The following RHPN2 variants were observed in gnomAD, a reference collection of about 807,000 sequenced individuals.
The protein encoded by RHPN2 is rhophilin Rho GTPase binding protein 2.
RHPN2 carries 40 observed loss-of-function variants against 79.0 expected under a neutral mutation model. That is an observed-to-expected ratio of 0.51 (90% CI 0.39 to 0.66). RHPN2 has a LOEUF of 0.66. RHPN2 is among the 30% of genes least tolerant of loss of function. The pLI is 0.00. For synonymous variants in RHPN2, 285 were observed against 363.5 expected (o/e 0.78, Z 2.46); for missense variants, 686 against 883.5 (o/e 0.78, Z 2.83).
intron 2 of RHPN2, among the ~76,000 whole-genome samples, chr19:33,033,730 T>C (rs988417924): frequency 1.4e-5 from 2 of 147,100 alleles, no homozygotes; most frequent in African/African-American, 5.0e-5. Flanking sequence ...TAGCCGGGCA[T>C]GGTGGCAGGC....
intron 3 of RHPN2, among the ~76,000 whole-genome samples, chr19:33,022,228 G>A (rs1477835572): frequency 1.3e-5 from 2 of 152,152 alleles, no homozygotes; most frequent in African/African-American, 4.8e-5. Context: ...GATGACGGGC[G>A]TGAGCCTCTG....
At chr19:32,983,950 C>T (rs781075004) in intron 14 of RHPN2, among the ~76,000 whole-genome samples, 7 of 152,130 alleles carry the variant, frequency 4.6e-5, no homozygotes, top group Non-Finnish European at 1.0e-4. Context: ...CTTTCCCCAC[C>T]ACCCATTCCT....
chr19:33,005,369 C>T (rs544035582), intron 7 of RHPN2, among the ~76,000 whole-genome samples: 7 of 143,320 alleles, frequency 4.9e-5, no homozygotes, highest in African/African-American at 1.6e-4. Context: ...GCCGAGATCT[C>T]GCCACTGCAC....
intron 1 of RHPN2, among the ~76,000 whole-genome samples, chr19:33,059,891 T>C (rs1202149987): frequency 6.6e-6 from 1 of 152,168 alleles, no homozygotes; most frequent in Admixed American, 6.6e-5. Context: ...CCCACCTCTC[T>C]ACCCACCTCT....
chr19:33,019,178 C>T (rs1261506586), intron 4 of RHPN2, among the ~76,000 whole-genome samples: 1 of 152,154 alleles, frequency 6.6e-6, no homozygotes, highest in African/African-American at 2.4e-5. Flanking sequence ...GGCACAGTGG[C>T]TCATGCCTAT....
At chr19:33,002,653 C>A (rs1971759022) in intron 8 of RHPN2, among the ~76,000 whole-genome samples, 160 bp downstream of exon 8, 1 of 152,086 alleles carries the variant, frequency 6.6e-6, no homozygotes, top group East Asian at 1.9e-4. Context: ...TCTGAAACAC[C>A]AACACTTGCC....
rs759525506 is a variant in RHPN2 at position 32,991,803 on chromosome 19, C to CA, written c.1644+19dup. On this transcript the variant is annotated intron_variant, in intron 13 of 14. Transcript: ENST00000254260. ...CCAGATATCTGTGTTTGCTGCCAATCAAGAAAAGCATGTGCTTACCGAGGC... is the reference window on the plus strand; with the variant it reads ...CCAGATATCTGTGTTTGCTGCCAATCAAAGAAAAGCATGTGCTTACCGAGGC... 1 of 1,613,790 alleles carries CA rather than the reference C, an allele frequency of 6.2e-7. No homozygotes were observed. The highest frequency in any genetic ancestry group is 8.5e-7 in the Non-Finnish European group (1 of 1,179,868).
At chr19:32,995,994 C>T in intron 11 of RHPN2, 32 bp downstream of exon 11, 2 of 1,612,302 alleles carry the variant, frequency 1.2e-6, no homozygotes, top group Non-Finnish European at 1.7e-6. Context: ...CACAGGCACC[C>T]CCACAGAGGG....
intron 1 of RHPN2, among the ~76,000 whole-genome samples, chr19:33,045,991 C>A (rs574838375): frequency 6.6e-6 from 1 of 152,248 alleles, no homozygotes; most frequent in Admixed American, 6.5e-5. Context: ...CCATGATGTT[C>A]TCAAGGTTTA....
In RHPN2 at chr19:33,003,087, G is replaced by A. The variant is rs529444307; in HGVS notation, c.761-87C>T. The A allele has an allele frequency of 2.4e-5, 29 of 1,207,312 alleles. 1 individual carries two copies. Among genetic ancestry groups the A allele is most frequent in the South Asian group, 1.8e-4 (14 of 77,972 alleles). 74.8% of individuals were successfully genotyped at this position (1,207,312 alleles called of 1,614,324 possible). On this transcript the variant is annotated intron_variant, in intron 7 of 14. Coordinates refer to ENST00000254260, the MANE Select transcript of RHPN2 (RefSeq NM_033103.5). ...TAGAGAAAGATAGGAGGCCGAGTGC[G>A]GTGGCTCATGCCCATAATCCCAACA... is the stretch of plus-strand genomic sequence containing the variant.
At chr19:32,993,841 A>C (rs768889401) in intron 12 of RHPN2, 136 bp downstream of exon 12, 10 of 720,464 alleles carry the variant, frequency 1.4e-5, no homozygotes, top group Non-Finnish European at 2.5e-5. Context: ...GGAACTAAGA[A>C]ATATATTTCT....
At chr19:32,983,239 G>A (rs201347632) in intron 14 of RHPN2, among the ~76,000 whole-genome samples, 14 of 151,984 alleles carry the variant, frequency 9.2e-5, no homozygotes, top group East Asian at 2.0e-4. Context: ...TTGGCGGGGC[G>A]TGGTGGCTCA....
intron 7 of RHPN2, among the ~76,000 whole-genome samples, chr19:33,007,706 T>C (rs1332437988): frequency 2.0e-5 from 3 of 151,684 alleles, no homozygotes; most frequent in Admixed American, 6.6e-5. Flanking sequence ...GGATTCACCA[T>C]GTACATCAGC....
In RHPN2 at chr19:33,023,677, C is replaced by A. The variant is rs368107887; in HGVS notation, c.315-2031G>T. Among the ~76,000 whole-genome samples, 26 of 149,206 alleles carry A rather than the reference C, an allele frequency of 1.7e-4. No individual in the cohort carries two copies. The East Asian group carries it at 5.0e-3, about 29-fold the overall frequency. On this transcript the variant is annotated intron_variant, in intron 3 of 14. Transcript: ENST00000254260. ...GCGGGCGCCTTTAGTCCCAGCTACT[C>A]GGGAGGCTGAGGCAGGAGAATGGTG...
chr19:33,059,400 G>C (rs777150622), intron 1 of RHPN2, among the ~76,000 whole-genome samples: 30 of 151,830 alleles, frequency 2.0e-4, no homozygotes, highest in Non-Finnish European at 4.1e-4. Flanking sequence ...ACAGGTTCAG[G>C]CAATTCTCCT....
At chr19:33,053,837 G>A (rs1972209540) in intron 1 of RHPN2, among the ~76,000 whole-genome samples, 1 of 151,830 alleles carries the variant, frequency 6.6e-6, no homozygotes, top group African/African-American at 2.4e-5. Flanking sequence ...AAAGTGCTGG[G>A]ATTACAGGTG....
intron 1 of RHPN2, among the ~76,000 whole-genome samples, chr19:33,059,384 C>T (rs1972261350): frequency 6.6e-6 from 1 of 151,790 alleles, no homozygotes; most frequent in Admixed American, 6.6e-5. Flanking sequence ...CTGCAACCTC[C>T]ACCTCACAGG....
intron 1 of RHPN2, among the ~76,000 whole-genome samples, chr19:33,048,235 T>C (rs1972157502): frequency 1.3e-5 from 2 of 151,662 alleles, no homozygotes; most frequent in African/African-American, 4.8e-5. Context: ...TTTCTATTTT[T>C]AGTAGAGATG....
rs1359747925 is a variant in RHPN2, at chr19:33,017,724, AAG to A, written c.390+3845_390+3846del. Among the ~76,000 whole-genome samples, 1,139 of 137,296 alleles carry A rather than the reference AAG, an allele frequency of 8.3e-3. 201 individuals are homozygous for A. Among genetic ancestry groups the A allele is most frequent in the Middle Eastern group, 0.023 (6 of 266 alleles). The allele number at this position is 137,296 out of a possible 152,430, so 90.1% of individuals were successfully genotyped here. ...CTCTTAAAAAAAAAAAAAAAAAAAA[AAG>A]AGAGAGAGAGATGACTGGCCATGGT... is the stretch of plus-strand genomic sequence containing the variant. On this transcript the variant is annotated intron_variant, in intron 4 of 14. Transcript: ENST00000254260.
Sources: gnomAD v4.1 joint callset for allele counts (sites outside exome capture counted in the v4.1 genomes callset) on GRCh38, gnomAD v4.1.1 for gene constraint, MANE v1.5 for transcripts, NCBI Gene and HGNC (gene_info 2026-07-23, HGNC 2026-07-21) for gene names.